PRR12: variants seen among roughly 807,000 people sequenced by gnomAD.
PRR12 encodes proline rich 12.
A neutral mutation model predicts 138.0 loss-of-function variants in PRR12; 12 were observed. The observed-to-expected ratio is 0.09, with a 90% CI of 0.06 to 0.14. The LOEUF is 0.14. Among genes scored for constraint, PRR12 ranks in the 10% least tolerant of loss-of-function variants. PRR12 has a pLI of 1.00. For missense variants in PRR12, 2,692 were observed against 2,861.3 expected (o/e 0.94, Z 1.35); for synonymous variants, 1,567 against 1,291.7 (o/e 1.21, Z -4.57).
chr19:49,595,898 C>A lies in PRR12; in HGVS notation c.1563C>A (p.Ser521=). The change falls in exon 4 of 14, where the codon TCC becomes TCA. Residue 521 remains serine (S), a synonymous_variant. Transcript: ENST00000418929. ...GEPYPGPAAH[S]QGLPTASPSL... Reference sequence around the variant, plus strand: ...CATACCCAGGGCCAGCCGCCCACTCCCAGGGGCTGCCCACAGCCAGCCCCT... The same window carrying A: ...CATACCCAGGGCCAGCCGCCCACTCACAGGGGCTGCCCACAGCCAGCCCCT... The A allele has an allele frequency of 6.2e-7, 1 of 1,603,098 alleles. No homozygotes were observed.
rs1011319354 is a variant in PRR12 at position 49,596,112 on chromosome 19, G to C, written c.1777G>C (p.Val593Leu). ...AGCCCCTGGCAAATACCTGAGCTCA[G>C]TCTTGGCCTCAGCGCCTTTCCTGGC... ...PGAPGKYLSS[V>L]LASAPFLAPP... The change falls in exon 4 of 14, where the codon GTC (valine) becomes CTC (leucine). Residue 593 changes from valine to leucine, a missense_variant. By Grantham distance (32) the Val-to-Leu change is conservative. Around this residue, in one of 11 missense-constraint regions of PRR12, gnomAD observed 66 missense variants for 102.4 expected, o/e 0.64. Coordinates refer to ENST00000418929, the MANE Select transcript of PRR12 (RefSeq NM_020719.3). The surrounding 1 kb of genome is among the most constrained non-coding windows in gnomAD (Gnocchi z 5.6). The C allele has an allele frequency of 6.2e-7, 1 of 1,603,492 alleles. No homozygotes were observed. The highest frequency in any genetic ancestry group is 8.5e-7 in the Non-Finnish European group (1 of 1,179,770).
At chr19:49,606,524 G>A (rs919967735) in intron 6 of PRR12, among the ~76,000 whole-genome samples, 1 of 148,518 alleles carries the variant, frequency 6.7e-6, no homozygotes, top group Non-Finnish European at 1.5e-5. Context: ...GGCTGGTCTC[G>A]AACTCCTGAC....
Position 49,625,773 on chromosome 19 carries a change from C to T in PRR12, c.*166C>T. On this transcript the variant is annotated 3_prime_UTR_variant, in exon 14 of 14. Coordinates refer to ENST00000418929, the MANE Select transcript of PRR12 (RefSeq NM_020719.3). The surrounding 1 kb of genome is among the most constrained non-coding windows in gnomAD (Gnocchi z 5.5). ...AGGGCAGGGTTCAAAGTCCGACTCC[C>T]CCCCTCTCCCAAGCCCCCTCCACTC... 1.2e-6 allele frequency: 1 copy of T among 808,476 alleles called. No individual in the cohort carries two copies. Among genetic ancestry groups the T allele is most frequent in the Non-Finnish European group, 1.8e-6 (1 of 563,792 alleles). The allele number at this position is 808,476 out of a possible 1,614,324, so 50.1% of individuals were successfully genotyped here.
chr19:49,594,199 C>T lies in PRR12; in HGVS notation c.200-255C>T, dbSNP rs1215255622. 6.6e-6 allele frequency among the ~76,000 whole-genome samples: 1 copy of T among 152,210 alleles called. No individual in the cohort carries two copies. The highest frequency in any genetic ancestry group is 1.5e-5 in the Non-Finnish European group (1 of 68,044). ...CTAGATTTTTCTACACTTTTGTCTA[C>T]CATTTCCTACCTGGGCCCCCTGTCC... On this transcript the variant is annotated intron_variant, in intron 2 of 13. Coordinates refer to ENST00000418929, the MANE Select transcript of PRR12 (RefSeq NM_020719.3). The surrounding 1 kb of genome is among the most constrained non-coding windows in gnomAD (Gnocchi z 5.6).
At chr19:49,601,467 G>C (rs1355240832) in intron 5 of PRR12, 24 bp from the exon 6 acceptor site, 1 of 1,362,534 alleles carries the variant, frequency 7.3e-7, no homozygotes, top group East Asian at 2.5e-5. Flanking sequence ...TAACATCCAG[G>C]CCTGATGTCC....
rs1476139301 is a variant in PRR12, at chr19:49,596,415, G to C, written c.2080G>C (p.Asp694His). The C allele has an allele frequency of 6.2e-7, 1 of 1,609,010 alleles. No individual in the cohort carries two copies. Among genetic ancestry groups the C allele is most frequent in the Non-Finnish European group, 8.5e-7 (1 of 1,179,354 alleles). The stretch of plus-strand genomic sequence containing the variant: ...TACACCCTACGAGTTGGCCAAGGAA[G>C]ACCCCCAGAGGTACCACCTGCAGAG... ...PGTPYELAKEDPQRYHLQSVI... is the reference protein window; with the variant it reads ...PGTPYELAKEHPQRYHLQSVI... Residue 694 changes from aspartate (D) to histidine (H), a missense_variant, in exon 4 of 14, where the codon GAC (aspartate) becomes CAC (histidine). Asp to His is a moderately conservative substitution (Grantham distance 81). Around this residue, in one of 11 missense-constraint regions of PRR12, gnomAD observed 840 missense variants for 689.8 expected, o/e 1.22. Coordinates refer to ENST00000418929, the MANE Select transcript of PRR12 (RefSeq NM_020719.3). This position sits in a 1 kb window ranked among gnomAD's most constrained non-coding sequence, Gnocchi z 5.6.
In PRR12 at chr19:49,614,415, A is replaced by T; in HGVS notation, c.4774-118A>T. 1 of 657,552 alleles carries T rather than the reference A, an allele frequency of 1.5e-6. No individual in the cohort carries two copies. The highest frequency in any genetic ancestry group is 2.6e-6 in the Non-Finnish European group (1 of 390,820). 40.7% of individuals were successfully genotyped at this position (657,552 alleles called of 1,614,324 possible). ...TGGGGGTAGAAGATATTTGTTGTTGACGTGTCTGCCTTTTCTCTAAGGGGA... is the reference window on the plus strand; with the variant it reads ...TGGGGGTAGAAGATATTTGTTGTTGTCGTGTCTGCCTTTTCTCTAAGGGGA... On this transcript the variant is annotated intron_variant, in intron 6 of 13. Transcript: ENST00000418929. The surrounding 1 kb of genome is among the most constrained non-coding windows in gnomAD (Gnocchi z 5.0).
Position 49,591,384 on chromosome 19 carries a change from C to G in PRR12, c.-271C>G, listed in dbSNP as rs1031926863. 6.7e-6 allele frequency among the ~76,000 whole-genome samples: 1 copy of G among 149,036 alleles called. No individual in the cohort carries two copies. Among genetic ancestry groups the G allele is most frequent in the African/African-American group, 2.5e-5 (1 of 40,426 alleles). On this transcript the variant is annotated 5_prime_UTR_variant, in exon 1 of 14. Coordinates refer to ENST00000418929, the MANE Select transcript of PRR12 (RefSeq NM_020719.3). ...AGGCGGAGACAGCGGGGTCCCTCCT[C>G]CCCCCTTCCCTCCTCTAGGGGGAAC...
intron 6 of PRR12, among the ~76,000 whole-genome samples, chr19:49,612,001 G>A (rs1307875849): frequency 1.3e-5 from 2 of 151,026 alleles, no homozygotes; most frequent in Non-Finnish European, 2.9e-5. Context: ...GGGAGGCCCA[G>A]GCGGGCGGAT....
At chr19:49,604,107 C>T (rs2080826263) in intron 6 of PRR12, among the ~76,000 whole-genome samples, 1 of 152,130 alleles carries the variant, frequency 6.6e-6, no homozygotes, top group Non-Finnish European at 1.5e-5. Flanking sequence ...GCATGAACCA[C>T]CGCGCCCGGC....
Position 49,594,979 on chromosome 19 carries a change from G to A in PRR12, c.644G>A (p.Gly215Glu). 6.2e-7 allele frequency: 1 copy of A among 1,600,052 alleles called. No individual in the cohort carries two copies. The highest frequency in any genetic ancestry group is 8.5e-7 in the Non-Finnish European group (1 of 1,174,906). The change falls in exon 4 of 14, where the codon GGG (glycine) becomes GAG (glutamate). Residue 215 changes from glycine (G) to glutamate (E), a missense_variant. By Grantham distance (98) the Gly-to-Glu change is moderately conservative (BLOSUM62 -2). Transcript: ENST00000418929. The surrounding 1 kb of genome is among the most constrained non-coding windows in gnomAD (Gnocchi z 5.6). Reference sequence around the variant, plus strand: ...CGCCTGGCAGGGGGCGGTGTCTTGGGGCCAGCTGGTCTCGGTCCAGCCCAG... The same window carrying A: ...CGCCTGGCAGGGGGCGGTGTCTTGGAGCCAGCTGGTCTCGGTCCAGCCCAG... ...FERLAGGGVL[G>E]PAGLGPAQTP...
At chr19:49,607,624 C>G (rs1294843224) in intron 6 of PRR12, among the ~76,000 whole-genome samples, 2 of 151,836 alleles carry the variant, frequency 1.3e-5, no homozygotes, top group East Asian at 3.9e-4. Context: ...GGGAGAATCG[C>G]TTCAGCCTGG....
At position 49,597,345 on chromosome 19, in the gene PRR12, G is replaced by C; in HGVS notation, c.3010G>C (p.Glu1004Gln). 1.3e-6 allele frequency: 2 copies of C among 1,540,664 alleles called. No homozygotes were observed. Among genetic ancestry groups the C allele is most frequent in the Non-Finnish European group, 1.7e-6 (2 of 1,147,442 alleles). The change falls in exon 4 of 14, where the codon GAG (glutamate) becomes CAG (glutamine). Residue 1004 changes from glutamate (E) to glutamine (Q), a missense_variant. Physicochemically the swap from Glu to Gln is conservative, Grantham distance 29. This residue lies in a region of PRR12 where 840 missense variants were observed against 689.8 expected (regional missense o/e 1.22). Transcript: ENST00000418929. This position sits in a 1 kb window ranked among gnomAD's most constrained non-coding sequence, Gnocchi z 6.3. Reference sequence around the variant, plus strand: ...TGGCCGGGCGTCGGGAGCCGGGCCCGAGACACCGGGCCTGGGCCTGGACCC... The same window carrying C: ...TGGCCGGGCGTCGGGAGCCGGGCCCCAGACACCGGGCCTGGGCCTGGACCC... ...CPGRASGAGP[E>Q]TPGLGLDPNK...
At position 49,594,666 on chromosome 19, in the gene PRR12, C is replaced by A; in HGVS notation, c.362-31C>A. The A allele has an allele frequency of 1.2e-6, 2 of 1,610,596 alleles. No individual in the cohort carries two copies. The highest frequency in any genetic ancestry group is 1.7e-6 in the Non-Finnish European group (2 of 1,179,444). On this transcript the variant is annotated intron_variant, in intron 3 of 13. Coordinates refer to ENST00000418929, the MANE Select transcript of PRR12 (RefSeq NM_020719.3). The surrounding 1 kb of genome is among the most constrained non-coding windows in gnomAD (Gnocchi z 5.6). ...GCCAGGGTGGGACTGGCTCGCTGTT[C>A]TCTCTGACGCGCGGTCTTCCTCATC... is the stretch of plus-strand genomic sequence containing the variant.
At position 49,597,715 on chromosome 19, in the gene PRR12, G is replaced by C. The variant is rs765695356; in HGVS notation, c.3380G>C (p.Ser1127Thr). The stretch of plus-strand genomic sequence containing the variant: ...CGGCGCTTGCCTGACCTGGTCTCCA[G>C]CTGCCGCTCCCGTCCGGCCCTCTCG... The part of the protein sequence containing the change: ...NPRRLPDLVS[S>T]CRSRPALSPL... Residue 1127 changes from serine (S) to threonine (T), a missense_variant, in exon 4 of 14, where the codon AGC (serine) becomes ACC (threonine). Transcript: ENST00000418929. The surrounding 1 kb of genome is among the most constrained non-coding windows in gnomAD (Gnocchi z 6.3). 6.2e-7 allele frequency: 1 copy of C among 1,606,638 alleles called. No homozygotes were observed. Among genetic ancestry groups the C allele is most frequent in the Non-Finnish European group, 8.5e-7 (1 of 1,177,808 alleles).
Position 49,596,849 on chromosome 19 carries a change from G to T in PRR12, c.2514G>T (p.Pro838=). 3.2e-6 allele frequency: 2 copies of T among 631,834 alleles called. No individual in the cohort carries two copies. 39.1% of individuals were successfully genotyped at this position (631,834 alleles called of 1,614,324 possible). Residue 838 remains proline, a synonymous_variant, in exon 4 of 14, where the codon CCG becomes CCT. Coordinates refer to ENST00000418929, the MANE Select transcript of PRR12 (RefSeq NM_020719.3). This position sits in a 1 kb window ranked among gnomAD's most constrained non-coding sequence, Gnocchi z 5.6. The part of the protein sequence containing the change: ...TRDGAPQPPP[P]PPPPPPPMPL... ...ATGGGGCACCCCAGCCACCTCCACC[G>T]CCACCCCCGCCTCCACCACCCATGC...
rs1434971763 is a variant in PRR12 at position 49,597,070 on chromosome 19, C to T, written c.2735C>T (p.Ala912Val). ...TCGGAGGGCAAGGATCCCGCAGGCG[C>T]CTACCGCAGCCCCAGCCCGCAAGGC... Reference protein sequence around the residue: ...PNSEGKDPAGAYRSPSPQGTK... With the variant: ...PNSEGKDPAGVYRSPSPQGTK... Residue 912 changes from alanine to valine, a missense_variant, in exon 4 of 14, where the codon GCC becomes GTC. Coordinates refer to ENST00000418929, the MANE Select transcript of PRR12 (RefSeq NM_020719.3). This position sits in a 1 kb window ranked among gnomAD's most constrained non-coding sequence, Gnocchi z 6.3. 3 of 1,552,688 alleles carry T rather than the reference C, an allele frequency of 1.9e-6. No homozygotes were observed. Among genetic ancestry groups the T allele is most frequent in the Admixed American group, 3.9e-5 (2 of 51,162 alleles).
intron 9 of PRR12, 118 bp from the exon 10 acceptor site, chr19:49,620,234 T>C (rs1217290373): frequency 3.4e-5 from 48 of 1,397,432 alleles, no homozygotes; most frequent in African/African-American, 8.5e-5. Flanking sequence ...CTAGCGGACT[T>C]GGACCTCCCA....
intron 6 of PRR12, among the ~76,000 whole-genome samples, chr19:49,611,403 G>A (rs1489376325): frequency 3.3e-5 from 5 of 151,646 alleles, no homozygotes; most frequent in Non-Finnish European, 7.4e-5. Flanking sequence ...TTGGGAGGCC[G>A]AGGCAGGTGG....
Sources: allele counts gnomAD v4.1 joint callset (sites outside exome capture counted in the v4.1 genomes callset), GRCh38; gene constraint gnomAD v4.1.1; regional missense constraint gnomAD v4.1.1; non-coding constraint Gnocchi (gnomAD v3.1); transcripts MANE v1.5; gene names NCBI Gene and HGNC (gene_info 2026-07-23, HGNC 2026-07-21).